Variants in PKNOX1 observed in about 807,000 individuals in gnomAD.
The protein encoded by PKNOX1 is homeobox protein PKNOX1.
Under a neutral mutation model 51.9 loss-of-function variants are expected in PKNOX1, and 15 were observed. The observed-to-expected ratio is 0.29, with a 90% CI of 0.19 to 0.45. The LOEUF (loss-of-function observed/expected upper bound fraction) is 0.45, where lower values mean the gene tolerates loss of function less well. Among genes scored for constraint, PKNOX1 ranks in the 20% least tolerant of loss-of-function variants. The probability of loss-of-function intolerance (pLI) is 1.00; values close to 1 mark genes in which losing one functional copy is unlikely to be tolerated. For missense variants in PKNOX1, 462 were observed against 547.5 expected (o/e 0.84, Z 1.56); for synonymous variants, 219 against 211.1 (o/e 1.04, Z -0.32).
At chr21:43,003,007 C>T (rs1978829863) in intron 1 of PKNOX1, among the ~76,000 whole-genome samples, 1 of 152,150 alleles carries the variant, frequency 6.6e-6, no homozygotes, top group Non-Finnish European at 1.5e-5. Context: ...GAGCCACTGC[C>T]CGGCTCCTTG....
chr21:42,988,395 A>T (rs945115083), intron 1 of PKNOX1, among the ~76,000 whole-genome samples: 1 of 152,100 alleles, frequency 6.6e-6, no homozygotes, highest in African/African-American at 2.4e-5. Flanking sequence ...TCTGGATCTA[A>T]ATGGAATCAA....
At chr21:43,029,520 C>CAT (rs1346766814) in intron 10 of PKNOX1, among the ~76,000 whole-genome samples, 4 of 144,274 alleles carry the variant, frequency 2.8e-5, no homozygotes, top group African/African-American at 7.6e-5. Flanking sequence ...CTCTGCCTAC[C>CAT]AGGTTCCCGC....
chr21:43,000,140 C>A (rs1462866720), intron 1 of PKNOX1, among the ~76,000 whole-genome samples: 3 of 152,112 alleles, frequency 2.0e-5, no homozygotes, highest in African/African-American at 7.2e-5. Flanking sequence ...CAAACTTTCC[C>A]ACATTTTCCT....
Position 43,021,037 on chromosome 21 carries a change from AG to A in PKNOX1, c.721-265del. Reference sequence around the variant, plus strand: ...GCTGGAAGAATCACTTGAGCCCAGGAGTTCAAGGCTGCAGTGAGCCGTGACT... The same window carrying A: ...GCTGGAAGAATCACTTGAGCCCAGGATTCAAGGCTGCAGTGAGCCGTGACT... On this transcript the variant is annotated intron_variant, in intron 7 of 10. Transcript: ENST00000291547. The surrounding 1 kb of genome is among the most constrained non-coding windows in gnomAD (Gnocchi z 4.6). 4.6e-6 allele frequency: 1 copy of A among 215,144 alleles called. No individual in the cohort carries two copies. The highest frequency in any genetic ancestry group is 9.4e-6 in the Non-Finnish European group (1 of 106,082). The allele number at this position is 215,144 out of a possible 1,614,324, so 13.3% of individuals were successfully genotyped here.
At position 43,012,764 on chromosome 21, in the gene PKNOX1, C is replaced by T. The variant is rs369040830; in HGVS notation, c.352-304C>T. On this transcript the variant is annotated intron_variant, in intron 4 of 10. Coordinates refer to ENST00000291547, the MANE Select transcript of PKNOX1 (RefSeq NM_004571.5). Reference sequence around the variant, plus strand: ...AGGGTGAGTCACTTGTCCTGCCTGCCACAGAGCGAATCAGTGGAAGGGCTA... The same window carrying T: ...AGGGTGAGTCACTTGTCCTGCCTGCTACAGAGCGAATCAGTGGAAGGGCTA... Among the ~76,000 whole-genome samples the T allele has an allele frequency of 5.3e-5, 8 of 152,232 alleles. No individual in the cohort carries two copies. In the South Asian group the frequency reaches 6.2e-4, roughly 12 times the overall value.
intron 1 of PKNOX1, among the ~76,000 whole-genome samples, chr21:43,000,731 T>C (rs1003893361): frequency 2.6e-5 from 1 of 38,342 alleles, no homozygotes; most frequent in African/African-American, 8.6e-5. Flanking sequence ...TACAAAAAAT[T>C]TAAAAAGCCA....
In PKNOX1 at chr21:43,024,864, T is replaced by A; in HGVS notation, c.850-7T>A. The A allele has an allele frequency of 6.3e-7, 1 of 1,598,922 alleles. No individual in the cohort carries two copies. Among genetic ancestry groups the A allele is most frequent in the Non-Finnish European group, 8.6e-7 (1 of 1,167,028 alleles). On this transcript the variant is annotated splice_polypyrimidine_tract_variant and splice_region_variant and intron_variant, in intron 8 of 10. Transcript: ENST00000291547. ...AGGCCATGGTAACCTTCTTTTTTTA[T>A]TTTCAGCATCCCTACCCAACAGAGG...
intron 2 of PKNOX1, among the ~76,000 whole-genome samples, chr21:43,005,128 G>A (rs536049400): frequency 6.6e-6 from 1 of 152,300 alleles, no homozygotes; most frequent in East Asian, 1.9e-4. Flanking sequence ...GAACCCACTG[G>A]CATTTGGCTC....
chr21:43,016,544 A>G (rs979033726), intron 5 of PKNOX1, among the ~76,000 whole-genome samples: 1 of 152,182 alleles, frequency 6.6e-6, no homozygotes, highest in Non-Finnish European at 1.5e-5. Context: ...GTTCATGGAA[A>G]ACTCAAGAGT....
At chr21:43,028,515 G>A in intron 9 of PKNOX1, 187 bp from the exon 10 acceptor site, 1 of 643,606 alleles carries the variant, frequency 1.6e-6, no homozygotes, top group South Asian at 1.9e-5. Context: ...CAGGCTCTGT[G>A]TTTCTGGGCA....
chr21:43,023,896 G>C lies in PKNOX1; in HGVS notation c.850-975G>C, dbSNP rs547971611. On this transcript the variant is annotated intron_variant, in intron 8 of 10. Coordinates refer to ENST00000291547, the MANE Select transcript of PKNOX1 (RefSeq NM_004571.5). ...CCCAAAGTACTGGGATTACAGGCGT[G>C]AGCCACCACACCTGGCCAGATTTTT... 6.6e-5 allele frequency among the ~76,000 whole-genome samples: 10 copies of C among 151,694 alleles called. No individual in the cohort carries two copies. In the East Asian group the frequency reaches 9.7e-4, roughly 15 times the overall value.
intron 4 of PKNOX1, 124 bp from the exon 5 acceptor site, chr21:43,012,944 T>A (rs1265663351): frequency 6.9e-6 from 5 of 729,580 alleles, no homozygotes; most frequent in Non-Finnish European, 1.1e-5. Flanking sequence ...TCTGATGTTA[T>A]TCCACTTTGG....
At chr21:42,995,444 G>T (rs1212461570) in intron 1 of PKNOX1, among the ~76,000 whole-genome samples, 2 of 152,226 alleles carry the variant, frequency 1.3e-5, no homozygotes, top group Non-Finnish European at 2.9e-5. Context: ...TTGGGAGGCG[G>T]AGGTAGGAGG....
chr21:42,991,489 G>C (rs970160943), intron 1 of PKNOX1, among the ~76,000 whole-genome samples: 1 of 152,174 alleles, frequency 6.6e-6, no homozygotes, highest in Non-Finnish European at 1.5e-5. Context: ...CACTTTGGGA[G>C]ATCGAGGCAG....
At chr21:43,002,151 C>T (rs986023435) in intron 1 of PKNOX1, among the ~76,000 whole-genome samples, 1 of 152,058 alleles carries the variant, frequency 6.6e-6, no homozygotes, top group Non-Finnish European at 1.5e-5. Context: ...ACCGCCGTGT[C>T]CAGTTAGACG....
intron 1 of PKNOX1, among the ~76,000 whole-genome samples, chr21:42,997,829 G>A (rs1978576502): frequency 6.6e-6 from 1 of 152,146 alleles, no homozygotes; most frequent in South Asian, 2.1e-4. Context: ...GGAGGACTCA[G>A]GGGTGGGAGA....
intron 8 of PKNOX1, 167 bp from the exon 9 acceptor site, chr21:43,024,704 C>T (rs189530758): frequency 1.2e-5 from 7 of 595,696 alleles, no homozygotes; most frequent in African/African-American, 7.4e-5. Flanking sequence ...ATTCCTGGGA[C>T]GAGGAGAAAC....
At chr21:42,999,976 A>C (rs1432788369) in intron 1 of PKNOX1, among the ~76,000 whole-genome samples, 1 of 152,116 alleles carries the variant, frequency 6.6e-6, no homozygotes. Context: ...CAGGGGCAAA[A>C]TGCTGCCAGT....
At chr21:43,001,493 C>T (rs1264981349) in intron 1 of PKNOX1, among the ~76,000 whole-genome samples, 2 of 152,180 alleles carry the variant, frequency 1.3e-5, no homozygotes, top group East Asian at 3.9e-4. Flanking sequence ...GGTCCTCCTT[C>T]TCCACGAGGC....
Sources: gnomAD v4.1 joint callset for allele counts (sites outside exome capture counted in the v4.1 genomes callset) on GRCh38, gnomAD v4.1.1 for gene constraint, Gnocchi (gnomAD v3.1) non-coding constraint, MANE v1.5 for transcripts, NCBI Gene and HGNC (gene_info 2026-07-23, HGNC 2026-07-21) for gene names.